Variants in RASSF3 observed in about 807,000 individuals in gnomAD.
RASSF3 encodes ras association domain-containing protein 3.
In RASSF3, 19 loss-of-function variants were observed where a neutral mutation model predicts 19.9. The observed-to-expected ratio is 0.96, with a 90% confidence interval of 0.67 to 1.40. The LOEUF is 1.40. Among genes scored for constraint, RASSF3 ranks in the 40% most tolerant of loss-of-function variants. The pLI is 0.00. For missense variants in RASSF3, 306 were observed against 289.8 expected (o/e 1.06, Z -0.41); for synonymous variants, 110 against 104.2 (o/e 1.06, Z -0.34).
At chr12:64,624,550 C>T (rs1275455831) in intron 1 of RASSF3, among the ~76,000 whole-genome samples, 1 of 151,896 alleles carries the variant, frequency 6.6e-6, no homozygotes, top group Non-Finnish European at 1.5e-5. Flanking sequence ...GCTGGTATTA[C>T]AGGTATGGGC....
intron 1 of RASSF3, chr12:64,507,367 T>C: frequency 2.5e-6 from 1 of 393,094 alleles, no homozygotes; most frequent in Non-Finnish European, 4.4e-6. Flanking sequence ...TTCAAATCCG[T>C]TTTTTTGTGT....
intron 1 of RASSF3, among the ~76,000 whole-genome samples, chr12:64,516,150 C>T (rs1053602800): frequency 6.6e-6 from 1 of 152,080 alleles, no homozygotes. Flanking sequence ...ATTTTCTTGA[C>T]ATGATTTTTA....
At chr12:64,526,542 T>G (rs759582598) in intron 1 of RASSF3, among the ~76,000 whole-genome samples, 1 of 69,558 alleles carries the variant, frequency 1.4e-5, no homozygotes, top group African/African-American at 3.2e-5. Flanking sequence ...AAATGAGTTG[T>G]TTTTTTTTTA....
At chr12:64,560,169 C>T (rs1869324378) in intron 2 of RASSF3, among the ~76,000 whole-genome samples, 1 of 152,194 alleles carries the variant, frequency 6.6e-6, no homozygotes, top group Non-Finnish European at 1.5e-5. Flanking sequence ...ATTCAGATGC[C>T]CCCATCCCAT....
At chr12:64,618,177 T>G (rs1299615562) in intron 1 of RASSF3, among the ~76,000 whole-genome samples, 2 of 152,152 alleles carry the variant, frequency 1.3e-5, no homozygotes, top group Admixed American at 1.3e-4. Context: ...TTCACAGGCA[T>G]GATAATAGTG....
intron 1 of RASSF3, among the ~76,000 whole-genome samples, chr12:64,641,414 A>ACACACACACACACACACACACACGCG: frequency 1.4e-5 from 2 of 142,098 alleles, no homozygotes; most frequent in African/African-American, 5.6e-5. Context: ...ACACACACAC[A>ACACACACACACACACACACACACGCG]CGCGCGCGCG....
intron 1 of RASSF3, among the ~76,000 whole-genome samples, chr12:64,670,347 CT>C (rs1236185874): frequency 7.0e-6 from 1 of 142,496 alleles, no homozygotes; most frequent in Non-Finnish European, 1.5e-5. Context: ...ACATGAAAGC[CT>C]TTTTCCCTCC....
chr12:64,674,604 C>T (rs148443517), intron 1 of RASSF3, among the ~76,000 whole-genome samples: 37 of 152,280 alleles, frequency 2.4e-4, no homozygotes, highest in Non-Finnish European at 4.1e-4. Flanking sequence ...TGTAAAAGCA[C>T]TGTTGTGTAT....
chr12:64,663,165 T>G (rs1872429164), intron 1 of RASSF3, among the ~76,000 whole-genome samples: 1 of 152,194 alleles, frequency 6.6e-6, no homozygotes, highest in Non-Finnish European at 1.5e-5. Flanking sequence ...TCTCTACCCC[T>G]CACCCTTTCA....
intron 3 of RASSF3, among the ~76,000 whole-genome samples, chr12:64,691,027 A>AT (rs1482435662): frequency 6.6e-6 from 1 of 151,430 alleles, no homozygotes; most frequent in African/African-American, 2.4e-5. Context: ...CGCCCGGCTG[A>AT]TTTTTTGTAT....
chr12:64,617,759 A>G (rs987441578), intron 1 of RASSF3, among the ~76,000 whole-genome samples: 2 of 152,114 alleles, frequency 1.3e-5, no homozygotes, highest in East Asian at 3.9e-4. Context: ...GGGTTTCACC[A>G]TATTGGCCAG....
chr12:64,529,775 G>C (rs1334712842), upstream of RASSF3, among the ~76,000 whole-genome samples: 2 of 152,006 alleles, frequency 1.3e-5, no homozygotes, highest in Non-Finnish European at 2.9e-5. Context: ...AATAAAATAG[G>C]CAATATGATT....
chr12:64,607,472 T>A (rs1341611448), upstream of RASSF3, among the ~76,000 whole-genome samples: 1 of 151,882 alleles, frequency 6.6e-6, no homozygotes, highest in African/African-American at 2.4e-5. Flanking sequence ...AGGGCTCAGG[T>A]GACTCTCCTG....
chr12:64,691,103 C>A (rs950082231), intron 3 of RASSF3, among the ~76,000 whole-genome samples: 1 of 151,862 alleles, frequency 6.6e-6, no homozygotes, highest in Non-Finnish European at 1.5e-5. Flanking sequence ...CTCAGGTGAC[C>A]CGCCCACCTC....
At chr12:64,539,953 G>A (rs1254799559) in intron 1 of RASSF3, among the ~76,000 whole-genome samples, 1 of 152,110 alleles carries the variant, frequency 6.6e-6, no homozygotes, top group Admixed American at 6.5e-5. Context: ...TTGTGGACAT[G>A]TGGGTTTCAG....
At chr12:64,606,574 G>A (rs573558474), upstream of RASSF3, among the ~76,000 whole-genome samples, 7 of 152,332 alleles carry the variant, frequency 4.6e-5, no homozygotes, top group South Asian at 1.5e-3. Flanking sequence ...AAGAGTCAGT[G>A]ATAGCCAAGG....
chr12:64,629,227 G>A (rs1871091474), intron 1 of RASSF3, among the ~76,000 whole-genome samples: 1 of 151,076 alleles, frequency 6.6e-6, no homozygotes, highest in Admixed American at 6.6e-5. Flanking sequence ...TCAGCCTCCC[G>A]AGTAGCTAGG....
At chr12:64,693,090 A>G (rs1163647824) in intron 4 of RASSF3, among the ~76,000 whole-genome samples, 2 of 152,084 alleles carry the variant, frequency 1.3e-5, no homozygotes, top group Non-Finnish European at 2.9e-5. Context: ...TAAAATTTTA[A>G]AAATTAACAG....
intron 3 of RASSF3, among the ~76,000 whole-genome samples, chr12:64,688,958 G>T (rs1690261): frequency 0.78 from 118,543 of 152,058 alleles, 46,346 homozygotes; most frequent in South Asian, 0.84. Flanking sequence ...CTCTCCTGTT[G>T]CCTTAGCTTG....
Sources: allele counts gnomAD v4.1 joint callset (sites outside exome capture counted in the v4.1 genomes callset), GRCh38; gene constraint gnomAD v4.1.1; transcripts MANE v1.5; gene names NCBI Gene and HGNC (gene_info 2026-07-23, HGNC 2026-07-21).